RBPMS2: variants seen among roughly 807,000 people sequenced by gnomAD.
RBPMS2 encodes RNA binding protein, mRNA processing factor 2.
A neutral mutation model predicts 25.7 loss-of-function variants in RBPMS2; 14 were observed. The ratio of observed to expected loss-of-function variants is 0.55; its 90% CI spans 0.36 to 0.85. RBPMS2 has a LOEUF of 0.85. Ranked by LOEUF, RBPMS2 falls within the 40% of genes least tolerant of loss-of-function variation. The pLI, the probability that RBPMS2 is intolerant of heterozygous loss-of-function variation, is 0.01. For synonymous variants in RBPMS2, 127 were observed against 115.6 expected, an observed-to-expected ratio of 1.10 and a Z score of -0.63; for missense variants, 252 against 283.4, an observed-to-expected ratio of 0.89 and a Z score of 0.80.
intron 1 of RBPMS2, among the ~76,000 whole-genome samples, chr15:64,767,754 C>T (rs1387198222): frequency 1.3e-5 from 2 of 152,160 alleles, no homozygotes; most frequent in East Asian, 3.8e-4. Context: ...ACTGCAACCC[C>T]TGCCTCCCAG....
chr15:64,749,051 G>C lies in RBPMS2; in HGVS notation c.367C>G (p.Pro123Ala). The change falls in exon 5 of 8, where the codon CCC becomes GCC. Residue 123 changes from proline (P) to alanine (A), a missense_variant. Transcript: ENST00000300069. Reference protein sequence around the residue: ...AKSKLMATPNPSNVHPALGAH... With the variant: ...AKSKLMATPNASNVHPALGAH... Reference sequence around the variant, plus strand: ...CCTAGGGCGGGGTGCACGTTGCTGGGATTTGGAGTTGCCATTAGCTTGCTC... The same window carrying C: ...CCTAGGGCGGGGTGCACGTTGCTGGCATTTGGAGTTGCCATTAGCTTGCTC... 2.5e-6 allele frequency: 4 copies of C among 1,614,216 alleles called. No homozygotes were observed. The highest frequency in any genetic ancestry group is 2.2e-5 in the East Asian group (1 of 44,892).
intron 1 of RBPMS2, among the ~76,000 whole-genome samples, chr15:64,770,128 A>G (rs1426361272): frequency 6.6e-6 from 1 of 152,126 alleles, no homozygotes; most frequent in Non-Finnish European, 1.5e-5. Flanking sequence ...GCAGTGAGCC[A>G]AGATCATACC....
Position 64,754,680 on chromosome 15 carries a change from GC to G in RBPMS2, c.88-3043del, listed in dbSNP as rs2083715744. On this transcript the variant is annotated intron_variant, in intron 1 of 7. Transcript: ENST00000300069. ...CCTGGCCCACTGCACTCCAGCCTGA[GC>G]AACAAGAGCAAAACTCCGTCTCAAA... 2.0e-5 allele frequency among the ~76,000 whole-genome samples: 3 copies of G among 151,200 alleles called. No individual in the cohort carries two copies. In the South Asian group the frequency reaches 6.3e-4, roughly 31 times the overall value.
At chr15:64,757,456 T>C (rs1379899959) in intron 1 of RBPMS2, among the ~76,000 whole-genome samples, 2 of 152,120 alleles carry the variant, frequency 1.3e-5, no homozygotes, top group Non-Finnish European at 2.9e-5. Flanking sequence ...CTGAAGCTGG[T>C]AATGTGGGTA....
intron 1 of RBPMS2, among the ~76,000 whole-genome samples, chr15:64,768,792 T>C (rs2083869122): frequency 1.5e-5 from 1 of 65,738 alleles, no homozygotes; most frequent in African/African-American, 4.4e-5. Context: ...AGAGACCCCG[T>C]CTATAAAAAA....
chr15:64,774,500 T>C (rs2083913873), intron 1 of RBPMS2, among the ~76,000 whole-genome samples: 1 of 152,052 alleles, frequency 6.6e-6, no homozygotes, highest in Non-Finnish European at 1.5e-5. Context: ...CTTTCGCACA[T>C]GGCCGGTGGA....
chr15:64,741,265 G>C (rs937510619), intron 6 of RBPMS2, 23 bp from the exon 7 acceptor site: 1 of 1,571,114 alleles, frequency 6.4e-7, no homozygotes. Context: ...CCAACGTCAG[G>C]AGCCAGCTGT....
intron 2 of RBPMS2, among the ~76,000 whole-genome samples, chr15:64,750,977 G>A (rs768194043): frequency 2.6e-5 from 4 of 151,950 alleles, no homozygotes; most frequent in Non-Finnish European, 5.9e-5. Context: ...GGCGGAGGTT[G>A]CAGTGAGCCG....
chr15:64,771,449 G>A (rs559894878), intron 1 of RBPMS2, among the ~76,000 whole-genome samples: 3 of 152,296 alleles, frequency 2.0e-5, no homozygotes, highest in Non-Finnish European at 2.9e-5. Context: ...TTGGGAGGCC[G>A]AGCTGGATGG....
chr15:64,762,721 A>C (rs1214988382), intron 1 of RBPMS2, among the ~76,000 whole-genome samples: 3 of 152,190 alleles, frequency 2.0e-5, no homozygotes, highest in Middle Eastern at 3.2e-3. Context: ...ACAGTAGAGT[A>C]GACTCGCCTC....
intron 1 of RBPMS2, among the ~76,000 whole-genome samples, chr15:64,766,716 A>C (rs1212323826): frequency 1.3e-5 from 2 of 151,584 alleles, no homozygotes; most frequent in Non-Finnish European, 2.9e-5. Context: ...TTTTTAGTAG[A>C]GACTGGGTTT....
chr15:64,740,923 CCCG>C lies in RBPMS2; in HGVS notation c.*82_*84del. 2.3e-6 allele frequency: 1 copy of C among 443,622 alleles called. No homozygotes were observed. The highest frequency in any genetic ancestry group is 4.1e-6 in the Non-Finnish European group (1 of 241,220). 27.5% of individuals were successfully genotyped at this position (443,622 alleles called of 1,614,324 possible). A position where few individuals can be genotyped will look rare whatever the true frequency, so the allele number is the denominator to read the frequency against. On this transcript the variant is annotated 3_prime_UTR_variant, in exon 8 of 8. Coordinates refer to ENST00000300069, the MANE Select transcript of RBPMS2 (RefSeq NM_194272.3). ...GAGGGCAGCAGCTCTGTGCAGGCCG[CCCG>C]GGGGCAGTGGGAACTCGGGGCGCCT... is the stretch of plus-strand genomic sequence containing the variant.
At chr15:64,744,801 T>TTG (rs1567062919) in intron 6 of RBPMS2, among the ~76,000 whole-genome samples, 2 of 15,964 alleles carry the variant, frequency 1.3e-4, no homozygotes, top group Admixed American at 5.8e-4. Flanking sequence ...TTGTTTTGTT[T>TTG]TTTTTTTTTT....
At chr15:64,768,611 C>G (rs2083867084) in intron 1 of RBPMS2, among the ~76,000 whole-genome samples, 1 of 151,860 alleles carries the variant, frequency 6.6e-6, no homozygotes, top group East Asian at 1.9e-4. Context: ...GCACTCTAGC[C>G]TGGGCAACAA....
chr15:64,747,713 G>A, intron 6 of RBPMS2, among the ~76,000 whole-genome samples: 1 of 152,136 alleles, frequency 6.6e-6, no homozygotes, highest in Admixed American at 6.5e-5. Flanking sequence ...TGCATGGCCA[G>A]GGGAAAGCCT....
At chr15:64,772,257 A>G (rs1462199535) in intron 1 of RBPMS2, among the ~76,000 whole-genome samples, 1 of 152,152 alleles carries the variant, frequency 6.6e-6, no homozygotes, top group Non-Finnish European at 1.5e-5. Context: ...AATCACTAAG[A>G]CAGGACATTT....
chr15:64,769,584 C>T (rs533378798), intron 1 of RBPMS2, among the ~76,000 whole-genome samples: 86 of 151,536 alleles, frequency 5.7e-4, no homozygotes, highest in African/African-American at 2.0e-3. Flanking sequence ...GGCGTGAACC[C>T]AGGAGGCAGA....
chr15:64,748,232 T>C (rs1180187305), intron 6 of RBPMS2, among the ~76,000 whole-genome samples, 187 bp downstream of exon 6: 1 of 152,120 alleles, frequency 6.6e-6, no homozygotes. Flanking sequence ...ATCTTCTCCC[T>C]CCCTGTCAAA....
At chr15:64,760,289 T>C (rs1007920242) in intron 1 of RBPMS2, among the ~76,000 whole-genome samples, 2 of 152,212 alleles carry the variant, frequency 1.3e-5, no homozygotes, top group Non-Finnish European at 2.9e-5. Flanking sequence ...GGCTGCGGCC[T>C]GGCCGCTCAC....
Sources: allele counts gnomAD v4.1 joint callset (sites outside exome capture counted in the v4.1 genomes callset), GRCh38; gene constraint gnomAD v4.1.1; transcripts MANE v1.5; gene names NCBI Gene and HGNC (gene_info 2026-07-23, HGNC 2026-07-21).